Variants in SETBP1 observed in about 807,000 individuals in gnomAD.
The protein encoded by SETBP1 is SET-binding protein.
In SETBP1, 9 loss-of-function variants were observed where a neutral mutation model predicts 101.0. That is an observed-to-expected ratio of 0.09 (90% confidence interval 0.05 to 0.16). SETBP1 has a LOEUF of 0.16. Ranked by LOEUF, SETBP1 falls within the 10% of genes least tolerant of loss-of-function variation. The pLI is 1.00. For missense variants in SETBP1, 1,858 were observed against 2,033.8 expected (o/e 0.91, Z 1.66); for synonymous variants, 818 against 788.5 (o/e 1.04, Z -0.63).
chr18:44,922,734 T>C (rs1340205872), intron 3 of SETBP1, among the ~76,000 whole-genome samples: 1 of 152,224 alleles, frequency 6.6e-6, no homozygotes, highest in African/African-American at 2.4e-5. Flanking sequence ...ACAGCATTGC[T>C]AACCTCTCAT....
intron 2 of SETBP1, among the ~76,000 whole-genome samples, chr18:44,850,558 G>T (rs559027336): frequency 2.6e-5 from 4 of 151,792 alleles, no homozygotes; most frequent in Admixed American, 6.6e-5. Flanking sequence ...TTTAGTAGAG[G>T]CAGGGTTTCA....
intron 2 of SETBP1, among the ~76,000 whole-genome samples, chr18:44,834,360 G>A (rs902138087): frequency 1.3e-5 from 2 of 152,190 alleles, no homozygotes; most frequent in African/African-American, 4.8e-5. Flanking sequence ...TCAAGACATG[G>A]CACCTGGGAA....
intron 2 of SETBP1, among the ~76,000 whole-genome samples, chr18:44,716,544 A>G (rs1465449884): frequency 1.3e-5 from 2 of 152,114 alleles, no homozygotes; most frequent in Non-Finnish European, 2.9e-5. Flanking sequence ...TATCAGAAGC[A>G]TAGGTGAGTC....
At chr18:45,008,113 T>A (rs2072767105) in intron 4 of SETBP1, among the ~76,000 whole-genome samples, 1 of 152,192 alleles carries the variant, frequency 6.6e-6, no homozygotes, top group Non-Finnish European at 1.5e-5. Flanking sequence ...TCAGAAAAAG[T>A]TCAAGACACC....
In SETBP1 at chr18:44,844,065, G is replaced by T. The variant is rs568296946; in HGVS notation, c.487-25165G>T. Among the ~76,000 whole-genome samples, 12 of 152,266 alleles carry T rather than the reference G, an allele frequency of 7.9e-5. No homozygotes were observed. In the South Asian group the frequency reaches 2.3e-3, roughly 29 times the overall value. On this transcript the variant is annotated intron_variant, in intron 2 of 5. Transcript: ENST00000649279. ...TGTCATTTTTTTTACATGTGTGTATGGAAAATGGGATCTATTCTTTGCCTT... is the reference window on the plus strand; with the variant it reads ...TGTCATTTTTTTTACATGTGTGTATTGAAAATGGGATCTATTCTTTGCCTT...
chr18:44,803,011 G>A (rs952445030), intron 2 of SETBP1, among the ~76,000 whole-genome samples: 2 of 152,088 alleles, frequency 1.3e-5, no homozygotes, highest in Admixed American at 6.6e-5. Flanking sequence ...ACGTTGAAAA[G>A]TATTCTTCCA....
intron 4 of SETBP1, among the ~76,000 whole-genome samples, chr18:45,020,998 C>T (rs532311372): frequency 6.6e-5 from 10 of 152,326 alleles, no homozygotes; most frequent in Non-Finnish European, 1.2e-4. Context: ...ATAATCATCA[C>T]TGCCCTTTCT....
At chr18:44,768,667 A>G (rs1337084342) in intron 2 of SETBP1, among the ~76,000 whole-genome samples, 1 of 152,192 alleles carries the variant, frequency 6.6e-6, no homozygotes, top group African/African-American at 2.4e-5. Context: ...TGGATTTATA[A>G]TGATCATTGC....
chr18:44,933,549 G>T (rs1414280323), intron 3 of SETBP1, among the ~76,000 whole-genome samples: 1 of 152,220 alleles, frequency 6.6e-6, no homozygotes, highest in East Asian at 1.9e-4. Flanking sequence ...TGCCCTCAGA[G>T]GTGGAGTCTA....
At chr18:44,751,784 A>G (rs1054049528) in intron 2 of SETBP1, among the ~76,000 whole-genome samples, 3 of 152,218 alleles carry the variant, frequency 2.0e-5, no homozygotes, top group Non-Finnish European at 4.4e-5. Context: ...ACAATATACC[A>G]TAGACTGAGT....
At chr18:45,024,573 A>G (rs1482991359) in intron 4 of SETBP1, among the ~76,000 whole-genome samples, 2 of 152,126 alleles carry the variant, frequency 1.3e-5, no homozygotes, top group Non-Finnish European at 2.9e-5. Context: ...GGATGACCTA[A>G]AGACCTTCTC....
intron 3 of SETBP1, among the ~76,000 whole-genome samples, chr18:44,887,348 AC>A (rs1484585844): frequency 1.3e-5 from 2 of 152,122 alleles, no homozygotes; most frequent in African/African-American, 4.8e-5. Context: ...AGTCATTCAC[AC>A]CCAGAAATTA....
chr18:44,930,918 T>A (rs924046499), intron 3 of SETBP1, among the ~76,000 whole-genome samples: 7 of 151,994 alleles, frequency 4.6e-5, no homozygotes, highest in East Asian at 1.9e-4. Flanking sequence ...TTTTGAAGAG[T>A]TTTTTGTGTC....
intron 2 of SETBP1, among the ~76,000 whole-genome samples, chr18:44,851,509 ATTG>A (rs1429570376): frequency 1.3e-5 from 2 of 152,082 alleles, no homozygotes; most frequent in East Asian, 3.9e-4. Flanking sequence ...TTGCATCTTT[ATTG>A]TTCTTTCTTC....
intron 3 of SETBP1, among the ~76,000 whole-genome samples, chr18:44,945,253 A>G (rs1304192482): frequency 6.6e-6 from 1 of 152,242 alleles, no homozygotes; most frequent in East Asian, 1.9e-4. Context: ...TAATACCCAG[A>G]ATCTACAAAG....
chr18:44,792,260 T>C (rs1353876955), intron 2 of SETBP1, among the ~76,000 whole-genome samples: 1 of 152,166 alleles, frequency 6.6e-6, no homozygotes, highest in Non-Finnish European at 1.5e-5. Context: ...TACAGAGGCT[T>C]GGCCTGCACG....
chr18:44,680,771 C>T (rs2068746454), upstream of SETBP1: 2 of 152,262 alleles, frequency 1.3e-5, no homozygotes, highest in Non-Finnish European at 2.9e-5. Context: ...TTTGCACCCT[C>T]CCTCGGTCCT....
At chr18:44,831,359 C>T (rs2072363852) in intron 2 of SETBP1, among the ~76,000 whole-genome samples, 1 of 152,192 alleles carries the variant, frequency 6.6e-6, no homozygotes, top group Admixed American at 6.5e-5. Context: ...CAGAATTTCC[C>T]CTCCAAAGGT....
At chr18:44,786,074 T>C (rs532296436) in intron 2 of SETBP1, among the ~76,000 whole-genome samples, 1 of 152,350 alleles carries the variant, frequency 6.6e-6, no homozygotes, top group Non-Finnish European at 1.5e-5. Context: ...TATTGATTTT[T>C]CAGAAAGGCC....
Sources: gnomAD v4.1 joint callset for allele counts (sites outside exome capture counted in the v4.1 genomes callset) on GRCh38, gnomAD v4.1.1 for gene constraint, MANE v1.5 for transcripts, NCBI Gene and HGNC (gene_info 2026-07-23, HGNC 2026-07-21) for gene names.